Variants in ZCCHC14 observed in about 807,000 individuals in gnomAD.
ZCCHC14 encodes the protein zinc finger CCHC-type containing 14.
ZCCHC14 carries 16 observed loss-of-function variants against 85.0 expected under a neutral mutation model. The observed-to-expected ratio is 0.19, with a 90% CI of 0.13 to 0.29. The LOEUF is 0.29. Among genes scored for constraint, ZCCHC14 ranks in the 10% least tolerant of loss-of-function variants. The pLI, the probability that ZCCHC14 is intolerant of heterozygous loss-of-function variation, is 1.00. For synonymous variants in ZCCHC14, 775 were observed against 630.7 expected, an observed-to-expected ratio of 1.23 and a Z score of -3.43; for missense variants, 1,303 against 1,443.5, an observed-to-expected ratio of 0.90 and a Z score of 1.58.
In ZCCHC14 at chr16:87,411,856, G is replaced by C; in HGVS notation, c.2865C>G (p.Ser955=). The C allele has an allele frequency of 6.2e-7, 1 of 1,607,858 alleles. No homozygotes were observed. The highest frequency in any genetic ancestry group is 8.5e-7 in the Non-Finnish European group (1 of 1,177,588). Residue 955 remains serine, a synonymous_variant, in exon 12 of 13, where the codon TCC becomes TCG. Transcript: ENST00000671377. The part of the protein sequence containing the change: ...NYFQHPFSGP[S]VFTFPFLPFS... ...AGGGCAAGAAGGGGAAGGTGAACAC[G>C]GACGGACCGGAGAACGGGTGCTGGA...
intron 2 of ZCCHC14, among the ~76,000 whole-genome samples, chr16:87,444,786 G>A (rs571606283): frequency 2.3e-4 from 35 of 152,172 alleles, no homozygotes; most frequent in Non-Finnish European, 4.3e-4. Context: ...ATACAAAGGA[G>A]GCCAAATGCA....
At chr16:87,459,939 C>T in intron 2 of ZCCHC14, 69 bp downstream of exon 2, 1 of 1,603,976 alleles carries the variant, frequency 6.2e-7, no homozygotes. Context: ...ACAATGCCCT[C>T]ACGGGGATCT....
intron 2 of ZCCHC14, among the ~76,000 whole-genome samples, chr16:87,443,544 T>C (rs1271948810): frequency 2.6e-5 from 4 of 152,096 alleles, no homozygotes; most frequent in African/African-American, 9.7e-5. Context: ...GAGACTAGCC[T>C]GGGCAACATG....
intron 2 of ZCCHC14, among the ~76,000 whole-genome samples, chr16:87,444,218 T>C (rs940649501): frequency 2.6e-5 from 4 of 152,068 alleles, no homozygotes; most frequent in Admixed American, 1.3e-4. Context: ...CGTTGGAAAT[T>C]GTTGATTTCA....
At chr16:87,419,602 A>C (rs1345188347) in intron 6 of ZCCHC14, among the ~76,000 whole-genome samples, 181 bp downstream of exon 6, 1 of 149,182 alleles carries the variant, frequency 6.7e-6, no homozygotes, top group African/African-American at 2.5e-5. Context: ...CGCCCAGCCT[A>C]ATTTTGTATT....
chr16:87,480,736 G>T (rs1374114590), intron 1 of ZCCHC14, among the ~76,000 whole-genome samples: 2 of 152,200 alleles, frequency 1.3e-5, no homozygotes, highest in African/African-American at 4.8e-5. Flanking sequence ...CTCTGCCAAA[G>T]TCAAAGTCTT....
chr16:87,455,242 C>T (rs568199983), intron 2 of ZCCHC14, among the ~76,000 whole-genome samples: 34 of 152,196 alleles, frequency 2.2e-4, no homozygotes, highest in Admixed American at 1.6e-3. Context: ...GAACCGAGAT[C>T]GTGCCATTGT....
At chr16:87,440,206 C>T (rs1222149517) in intron 2 of ZCCHC14, among the ~76,000 whole-genome samples, 2 of 152,002 alleles carry the variant, frequency 1.3e-5, no homozygotes, top group Non-Finnish European at 2.9e-5. Context: ...GCTCTGTCGC[C>T]CAGTCTGGAG....
At chr16:87,481,037 G>A (rs1312636741) in intron 1 of ZCCHC14, among the ~76,000 whole-genome samples, 2 of 152,172 alleles carry the variant, frequency 1.3e-5, no homozygotes, top group Non-Finnish European at 2.9e-5. Context: ...ATTTGACGAG[G>A]ACCATTCCAA....
chr16:87,431,630 A>T (rs996513554), intron 3 of ZCCHC14, among the ~76,000 whole-genome samples: 1 of 152,160 alleles, frequency 6.6e-6, no homozygotes, highest in African/African-American at 2.4e-5. Flanking sequence ...TTGGGAGCAA[A>T]TCAAAGCCCA....
chr16:87,490,723 G>A (rs375067615), intron 1 of ZCCHC14, among the ~76,000 whole-genome samples: 26 of 152,336 alleles, frequency 1.7e-4, no homozygotes, highest in Admixed American at 9.2e-4. Context: ...TTAAGGCTCT[G>A]GGAGTCTTTT....
At position 87,491,762 on chromosome 16, in the gene ZCCHC14, C is replaced by T. The variant is rs770032303; in HGVS notation, c.477G>A (p.Gln159=). Residue 159 remains glutamine, a synonymous_variant, in exon 1 of 13, where the codon CAG becomes CAA. Transcript: ENST00000671377. This position sits in a 1 kb window ranked among gnomAD's most constrained non-coding sequence, Gnocchi z 5.9. ...CGCCGCCGTTCAGGCTGCTCTGGAT[C>T]TGCGTGAGCTCCTGGCGCAGCACCT... ...QKQVLRQELT[Q]IQSSLNGGGG... is the part of the protein sequence containing the mutation. The T allele has an allele frequency of 8.8e-6, 14 of 1,586,404 alleles. No homozygotes were observed. The highest frequency in any genetic ancestry group is 8.5e-7 in the Non-Finnish European group (1 of 1,170,158).
chr16:87,476,728 G>A (rs1356485080), intron 1 of ZCCHC14, among the ~76,000 whole-genome samples: 3 of 115,106 alleles, frequency 2.6e-5, no homozygotes, highest in Admixed American at 2.4e-4. Context: ...AGTTTTTAAG[G>A]CCTGGGGGTG....
At chr16:87,469,583 T>G (rs919307834) in intron 1 of ZCCHC14, among the ~76,000 whole-genome samples, 11 of 152,230 alleles carry the variant, frequency 7.2e-5, no homozygotes, top group Admixed American at 3.3e-4. Flanking sequence ...TTGTGAGAAT[T>G]CAGTAAAATG....
At chr16:87,430,411 A>C (rs771409195) in intron 3 of ZCCHC14, among the ~76,000 whole-genome samples, 5 of 152,000 alleles carry the variant, frequency 3.3e-5, no homozygotes, top group African/African-American at 7.3e-5. Context: ...CAGCGTTGTG[A>C]TCCTGCTGTT....
rs1452873352 is a variant in ZCCHC14 at position 87,417,552 on chromosome 16, G to C, written c.1291C>G (p.Gln431Glu). ...ILMPSSLQTP[Q>E]TQEQNGILDW... ...AGAATCCCATTCTGCTCCTGGGTCTGAGGGGTCTGCAGACTGGAAGGCATG... is the reference window on the plus strand; with the variant it reads ...AGAATCCCATTCTGCTCCTGGGTCTCAGGGGTCTGCAGACTGGAAGGCATG... The change falls in exon 8 of 13, where the codon CAG becomes GAG. Residue 431 changes from glutamine (Q) to glutamate (E), a missense_variant. Gln to Glu is a conservative substitution (Grantham distance 29, BLOSUM62 2). This residue lies in a region of ZCCHC14 where 389 missense variants were observed against 397.8 expected (regional missense o/e 0.98). Transcript: ENST00000671377. The C allele has an allele frequency of 6.2e-7, 1 of 1,614,150 alleles. No individual in the cohort carries two copies. Among genetic ancestry groups the C allele is most frequent in the African/African-American group, 1.3e-5 (1 of 74,960 alleles).
chr16:87,486,649 C>T (rs1912524589), intron 1 of ZCCHC14, among the ~76,000 whole-genome samples: 1 of 152,126 alleles, frequency 6.6e-6, no homozygotes, highest in Non-Finnish European at 1.5e-5. Flanking sequence ...AGACCTGTAG[C>T]AGCTGGCCAA....
intron 2 of ZCCHC14, among the ~76,000 whole-genome samples, chr16:87,446,840 T>A (rs1555521666): frequency 6.6e-6 from 1 of 151,712 alleles, no homozygotes; most frequent in South Asian, 2.1e-4. Context: ...CACACCACCA[T>A]GCCTGGCTAG....
At chr16:87,449,737 G>GA (rs1226343544) in intron 2 of ZCCHC14, among the ~76,000 whole-genome samples, 1 of 152,182 alleles carries the variant, frequency 6.6e-6, no homozygotes, top group East Asian at 1.9e-4. Flanking sequence ...TGGTAGAGGG[G>GA]AGAGTTTAAA....
Sources: allele counts gnomAD v4.1 joint callset (sites outside exome capture counted in the v4.1 genomes callset), GRCh38; gene constraint gnomAD v4.1.1; regional missense constraint gnomAD v4.1.1; non-coding constraint Gnocchi (gnomAD v3.1); transcripts MANE v1.5; gene names NCBI Gene and HGNC (gene_info 2026-07-23, HGNC 2026-07-21).